Variants in GALNTL5 observed in about 807,000 individuals in gnomAD.
GALNTL5 encodes polypeptide N-acetylgalactosaminyltransferase like 5.
A neutral mutation model predicts 51.0 loss-of-function variants in GALNTL5; 44 were observed. The observed-to-expected ratio is 0.86, with a 90% CI of 0.68 to 1.11. The LOEUF (loss-of-function observed/expected upper bound fraction) is 1.11. Ranked by LOEUF, GALNTL5 falls within the 50% of genes least tolerant of loss-of-function variation. The probability of loss-of-function intolerance (pLI) is 0.00; values close to 1 mark genes in which losing one functional copy is unlikely to be tolerated. For synonymous variants in GALNTL5, 192 were observed against 182.8 expected, an observed-to-expected ratio of 1.05 and a Z score of -0.41; for missense variants, 528 against 531.8, an observed-to-expected ratio of 0.99 and a Z score of 0.07.
chr7:151,998,298 A>G (rs1375347387), intron 5 of GALNTL5, among the ~76,000 whole-genome samples: 1 of 151,492 alleles, frequency 6.6e-6, no homozygotes, highest in Non-Finnish European at 1.5e-5. Context: ...GAATAAAGAA[A>G]TTTCAAAGCT....
chr7:151,959,632 A>G (rs928725288), intron 1 of GALNTL5, among the ~76,000 whole-genome samples: 10 of 152,150 alleles, frequency 6.6e-5, no homozygotes, highest in African/African-American at 2.4e-4. Flanking sequence ...ACTCAGTCCC[A>G]TATATACACC....
rs148273290 is a variant in GALNTL5, at chr7:151,971,066, G to C, written c.368+1G>C. ...AAGTGCCAGATACCAGGAGTAAAATGTATGTTGTCTCTCTCTTTCTCTCAT... is the reference window on the plus strand; with the variant it reads ...AAGTGCCAGATACCAGGAGTAAAATCTATGTTGTCTCTCTCTTTCTCTCAT... On this transcript the variant is annotated splice_donor_variant, in intron 3 of 8. Coordinates refer to ENST00000392800, the MANE Select transcript of GALNTL5 (RefSeq NM_145292.4). LOFTEE classifies it high-confidence loss of function. 301 of 1,605,270 alleles carry C rather than the reference G, an allele frequency of 1.9e-4. 2 individuals carry two copies. Among genetic ancestry groups the C allele is most frequent in the Non-Finnish European group, 3.1e-5 (36 of 1,173,408 alleles).
At chr7:152,013,407 A>T (rs1029027052) in intron 7 of GALNTL5, among the ~76,000 whole-genome samples, 9 of 152,144 alleles carry the variant, frequency 5.9e-5, no homozygotes, top group Non-Finnish European at 1.2e-4. Context: ...TTCATGTATC[A>T]GCTAGCTTTT....
intron 5 of GALNTL5, among the ~76,000 whole-genome samples, chr7:151,998,051 T>C (rs2081522025): frequency 6.6e-6 from 1 of 151,802 alleles, no homozygotes; most frequent in Non-Finnish European, 1.5e-5. Context: ...AAATTTTTAT[T>C]AAAAAAAGTA....
chr7:151,962,735 A>G (rs4451222), intron 1 of GALNTL5, among the ~76,000 whole-genome samples: 21,727 of 151,932 alleles, frequency 0.14, 1,857 homozygotes, highest in Admixed American at 0.22. Context: ...CAGCCTCCCA[A>G]GTAGCTGGGA....
At chr7:152,016,544 T>G (rs2081816962) in intron 8 of GALNTL5, among the ~76,000 whole-genome samples, 1 of 152,226 alleles carries the variant, frequency 6.6e-6, no homozygotes, top group Non-Finnish European at 1.5e-5. Context: ...GTAAAAGATC[T>G]GAATACCTTG....
chr7:151,988,987 A>G lies in GALNTL5; in HGVS notation c.658+1706A>G, dbSNP rs2081394886. Among the ~76,000 whole-genome samples the G allele has an allele frequency of 2.0e-5, 3 of 151,998 alleles. No homozygotes were observed. The South Asian group carries it at 6.2e-4, about 32-fold the overall frequency. ...AGTGCTGAGATTACTGTCGTGAGCC[A>G]CCACGACTGGCCTGGGATTTTTAAA... On this transcript the variant is annotated intron_variant, in intron 5 of 8. Transcript: ENST00000392800.
chr7:151,978,731 C>A (rs776554372), intron 3 of GALNTL5, among the ~76,000 whole-genome samples: 1 of 152,164 alleles, frequency 6.6e-6, no homozygotes, highest in Non-Finnish European at 1.5e-5. Context: ...CTGTTCCAGA[C>A]GTCTCTCCTT....
rs902187669 is a variant in GALNTL5, at chr7:151,982,275, A to G, written c.369-711A>G. Among the ~76,000 whole-genome samples the G allele has an allele frequency of 2.0e-5, 3 of 152,142 alleles. 1 individual carries two copies. Among genetic ancestry groups the G allele is most frequent in the Admixed American group, 2.0e-4 (3 of 15,284 alleles). ...TAAAAACATAAAAAATTAGCCAGGC[A>G]TGGTGGTGCATGCCTGTAATCCCAG... On this transcript the variant is annotated intron_variant, in intron 3 of 8. Transcript: ENST00000392800.
rs2080928347 is a variant in GALNTL5, at chr7:151,956,573, C to T, written c.-76C>T. 2 of 152,104 alleles carry T rather than the reference C, an allele frequency of 1.3e-5. No homozygotes were observed. The highest frequency in any genetic ancestry group is 1.3e-4 in the Admixed American group (2 of 15,270). The allele number at this position is 152,104 out of a possible 1,614,324, so 9.4% of individuals were successfully genotyped here. A position where few individuals can be genotyped will look rare whatever the true frequency, so the allele number is the denominator to read the frequency against. Reference sequence around the variant, plus strand: ...CAGCTGTGACTCTGCTTGGAAAATTCATCAGTTACAAAGCAGCCAATGCAA... The same window carrying T: ...CAGCTGTGACTCTGCTTGGAAAATTTATCAGTTACAAAGCAGCCAATGCAA... On this transcript the variant is annotated 5_prime_UTR_variant, in exon 1 of 9. Transcript: ENST00000392800.
At chr7:151,966,172 A>T (rs1395463077) in intron 1 of GALNTL5, among the ~76,000 whole-genome samples, 1 of 152,018 alleles carries the variant, frequency 6.6e-6, no homozygotes, top group Admixed American at 6.6e-5. Flanking sequence ...GCTCCAGCTG[A>T]TTCATTTCCA....
chr7:152,007,030 G>C (rs904424718), intron 6 of GALNTL5, among the ~76,000 whole-genome samples: 13 of 152,182 alleles, frequency 8.5e-5, no homozygotes, highest in South Asian at 2.1e-4. Flanking sequence ...AGCCTCCCAA[G>C]TGTTGGGATT....
chr7:151,963,569 T>C (rs1036267907), intron 1 of GALNTL5, among the ~76,000 whole-genome samples: 1 of 152,190 alleles, frequency 6.6e-6, no homozygotes, highest in Non-Finnish European at 1.5e-5. Context: ...AGCTAATCTT[T>C]GTATTTTTAG....
At chr7:152,011,724 AT>A (rs1411373481) in intron 7 of GALNTL5, among the ~76,000 whole-genome samples, 2 of 152,210 alleles carry the variant, frequency 1.3e-5, no homozygotes, top group African/African-American at 4.8e-5. Flanking sequence ...ACAAGGGAGA[AT>A]TAGGCAAGTC....
intron 5 of GALNTL5, among the ~76,000 whole-genome samples, chr7:151,988,117 AT>A (rs1359477399): frequency 2.0e-5 from 3 of 152,200 alleles, no homozygotes; most frequent in Non-Finnish European, 2.9e-5. Flanking sequence ...ATTCAGAGGG[AT>A]CCCAGTTCCA....
chr7:152,000,576 A>G (rs2081562403), intron 5 of GALNTL5, among the ~76,000 whole-genome samples: 1 of 152,212 alleles, frequency 6.6e-6, no homozygotes, highest in African/African-American at 2.4e-5. Flanking sequence ...CACCTCCCCA[A>G]CACTTGCTAT....
chr7:152,014,627 GT>G lies in GALNTL5; in HGVS notation c.1027-15del. 1 of 1,581,862 alleles carries G rather than the reference GT, an allele frequency of 6.3e-7. No individual in the cohort carries two copies. Among genetic ancestry groups the G allele is most frequent in the Non-Finnish European group, 8.6e-7 (1 of 1,168,672 alleles). On this transcript the variant is annotated splice_polypyrimidine_tract_variant and intron_variant, in intron 7 of 8. Coordinates refer to ENST00000392800, the MANE Select transcript of GALNTL5 (RefSeq NM_145292.4). Reference sequence around the variant, plus strand: ...GTAATAATGCATTCGTATGTTTTTTGTTCTTCTTATGCCTAGATCTGGATGT... The same window carrying G: ...GTAATAATGCATTCGTATGTTTTTTGTCTTCTTATGCCTAGATCTGGATGT...
At position 151,983,128 on chromosome 7, in the gene GALNTL5, T is replaced by C. The variant is rs957132442; in HGVS notation, c.511T>C (p.Leu171=). ...TPHYFLEEII[L]VDDMSKVDDL... is the part of the protein sequence containing the mutation. ...ACACTATTTTCTTGAAGAAATTATT[T>C]TGGTAGATGACATGAGCAAAGTTGG... The change falls in exon 4 of 9, where the codon TTG becomes CTG. Residue 171 remains leucine (L), a synonymous_variant. Transcript: ENST00000392800. The C allele has an allele frequency of 4.3e-6, 7 of 1,613,976 alleles. No homozygotes were observed. The Admixed American group carries it at 1.0e-4, about 23-fold the overall frequency.
intron 1 of GALNTL5, among the ~76,000 whole-genome samples, chr7:151,966,083 A>G (rs535434656): frequency 1.2e-3 from 180 of 152,074 alleles, no homozygotes; most frequent in African/African-American, 4.1e-3. Flanking sequence ...ACTGCTTTTC[A>G]TGTTTTCCAA....
Sources: gnomAD v4.1 joint callset for allele counts (sites outside exome capture counted in the v4.1 genomes callset) on GRCh38, gnomAD v4.1.1 for gene constraint, MANE v1.5 for transcripts, NCBI Gene and HGNC (gene_info 2026-07-23, HGNC 2026-07-21) for gene names.